The following DESI2 variants were observed in gnomAD, a reference collection of about 807,000 sequenced individuals.
DESI2 encodes the protein deubiquitinase DESI2.
DESI2 carries 10 observed loss-of-function variants against 24.1 expected under a neutral mutation model. That is an observed-to-expected ratio of 0.41 (90% CI 0.26 to 0.70). DESI2 has a LOEUF of 0.70. Among genes scored for constraint, DESI2 ranks in the 30% least tolerant of loss-of-function variants. The pLI, the probability that DESI2 is intolerant of heterozygous loss-of-function variation, is 0.29. For synonymous variants in DESI2, 71 were observed against 87.7 expected (o/e 0.81, Z 1.06); for missense variants, 122 against 234.9 (o/e 0.52, Z 3.14).
In DESI2 at chr1:244,701,234, C is replaced by G. The variant is rs1441217367; in HGVS notation, c.352-4322C>G. Reference sequence around the variant, plus strand: ...CCCTCCACCCCCCCCCCCCCCCCCCCGCCCTTTTAACTGCTGAAGAAATTA... The same window carrying G: ...CCCTCCACCCCCCCCCCCCCCCCCCGGCCCTTTTAACTGCTGAAGAAATTA... On this transcript the variant is annotated intron_variant, in intron 4 of 4. Coordinates refer to ENST00000302550, the MANE Select transcript of DESI2 (RefSeq NM_016076.5). Among the ~76,000 whole-genome samples, 223 of 77,556 alleles carry G rather than the reference C, an allele frequency of 2.9e-3. 4 individuals carry two copies. Among genetic ancestry groups the G allele is most frequent in the Non-Finnish European group, 5.2e-3 (192 of 37,012 alleles). The allele number at this position is 77,556 out of a possible 152,430, so 50.9% of individuals were successfully genotyped here.
chr1:244,697,870 G>C (rs533430879), intron 4 of DESI2, among the ~76,000 whole-genome samples: 1 of 152,270 alleles, frequency 6.6e-6, no homozygotes, highest in East Asian at 1.9e-4. Flanking sequence ...AAAAAAGGTT[G>C]AATCAGTTCT....
Position 244,664,568 on chromosome 1 carries a change from C to G in DESI2, c.42+11213C>G, listed in dbSNP as rs867187451. Among the ~76,000 whole-genome samples, 4 of 152,294 alleles carry G rather than the reference C, an allele frequency of 2.6e-5. No individual in the cohort carries two copies. In the Middle Eastern group the frequency reaches 0.01, roughly 389 times the overall value. ...AAAAAATAAATAAATTAGCCAGGCC[C>G]ATGCCTGTGATTCCAGCTACTTAAG... On this transcript the variant is annotated intron_variant, in intron 1 of 4. Coordinates refer to ENST00000302550, the MANE Select transcript of DESI2 (RefSeq NM_016076.5).
chr1:244,660,252 G>A (rs1385439917), intron 1 of DESI2, among the ~76,000 whole-genome samples: 4 of 152,088 alleles, frequency 2.6e-5, no homozygotes, highest in African/African-American at 4.8e-5. Context: ...TGCAACCTCC[G>A]CCTCCTGGGT....
At chr1:244,686,500 T>G in intron 1 of DESI2, 97 bp from the exon 2 acceptor site, 1 of 759,094 alleles carries the variant, frequency 1.3e-6, no homozygotes, top group Non-Finnish European at 2.3e-6. Context: ...ATCATGGGAG[T>G]TTCAGAGTGA....
At chr1:244,670,490 C>T (rs961497351) in intron 1 of DESI2, among the ~76,000 whole-genome samples, 1 of 152,210 alleles carries the variant, frequency 6.6e-6, no homozygotes, top group Non-Finnish European at 1.5e-5. Flanking sequence ...AATAAATACG[C>T]GTTCTGGCTA....
At chr1:244,668,235 C>A (rs1247112040) in intron 1 of DESI2, among the ~76,000 whole-genome samples, 1 of 152,108 alleles carries the variant, frequency 6.6e-6, no homozygotes, top group Non-Finnish European at 1.5e-5. Context: ...GGTATGCTGT[C>A]TTTTTAAAAT....
chr1:244,681,054 T>A (rs1676596778), intron 1 of DESI2, among the ~76,000 whole-genome samples: 1 of 152,006 alleles, frequency 6.6e-6, no homozygotes, highest in Admixed American at 6.6e-5. Flanking sequence ...CCTTTTCCCA[T>A]GGTTGACTAA....
chr1:244,665,944 T>C (rs967626823), intron 1 of DESI2, among the ~76,000 whole-genome samples: 23 of 152,064 alleles, frequency 1.5e-4, no homozygotes, highest in Middle Eastern at 3.4e-3. Flanking sequence ...GTAGTTAAAA[T>C]CAGCTCACCA....
chr1:244,691,420 G>A (rs913721649), intron 3 of DESI2, among the ~76,000 whole-genome samples: 6 of 152,244 alleles, frequency 3.9e-5, no homozygotes, highest in African/African-American at 1.4e-4. Context: ...CGTTTAGTCA[G>A]ATTTGACAGT....
intron 1 of DESI2, among the ~76,000 whole-genome samples, chr1:244,659,559 G>C (rs764379339): frequency 1.2e-4 from 18 of 152,168 alleles, no homozygotes; most frequent in Non-Finnish European, 1.6e-4. Context: ...TCCATCTTCA[G>C]ACCGGCAATG....
At chr1:244,662,677 G>A (rs1337937441) in intron 1 of DESI2, among the ~76,000 whole-genome samples, 1 of 152,190 alleles carries the variant, frequency 6.6e-6, no homozygotes, top group Non-Finnish European at 1.5e-5. Flanking sequence ...CAAAGAAGGG[G>A]AGGGACAGTG....
intron 1 of DESI2, among the ~76,000 whole-genome samples, chr1:244,660,311 G>A (rs907400904): frequency 3.2e-4 from 48 of 152,178 alleles, no homozygotes; most frequent in African/African-American, 8.4e-4. Flanking sequence ...GACTACAGGC[G>A]TGCGCCACCA....
At chr1:244,665,748 A>T (rs184795476) in intron 1 of DESI2, among the ~76,000 whole-genome samples, 16 of 152,236 alleles carry the variant, frequency 1.1e-4, no homozygotes, top group African/African-American at 3.9e-4. Flanking sequence ...TTGGCTCCAG[A>T]CAAGCTGCAA....
At chr1:244,694,716 G>A (rs1677151058) in intron 4 of DESI2, 1 of 688,564 alleles carries the variant, frequency 1.5e-6, no homozygotes, top group Admixed American at 2.2e-5. Flanking sequence ...TGTTGCCTTC[G>A]TCACCTTGCT....
chr1:244,673,734 A>T (rs1023252282), intron 1 of DESI2, among the ~76,000 whole-genome samples: 1 of 152,096 alleles, frequency 6.6e-6, no homozygotes, highest in South Asian at 2.1e-4. Context: ...TTATTGGACC[A>T]TGTCTAATAA....
At chr1:244,705,309 TCA>T (rs1468466243) in intron 4 of DESI2, among the ~76,000 whole-genome samples, 2 of 152,164 alleles carry the variant, frequency 1.3e-5, no homozygotes, top group Non-Finnish European at 2.9e-5. Flanking sequence ...TAGCTTGATT[TCA>T]CAGATATGAA....
chr1:244,663,677 A>C (rs140047000), intron 1 of DESI2, among the ~76,000 whole-genome samples: 2,802 of 152,262 alleles, frequency 0.018, 58 homozygotes, highest in Admixed American at 0.043. Context: ...ATTCATGTAC[A>C]AAAGGACATA....
At chr1:244,667,220 G>A (rs1321677771) in intron 1 of DESI2, among the ~76,000 whole-genome samples, 1 of 152,132 alleles carries the variant, frequency 6.6e-6, no homozygotes, top group African/African-American at 2.4e-5. Flanking sequence ...TCTCATCTGA[G>A]ACAAGGCAAG....
intron 1 of DESI2, among the ~76,000 whole-genome samples, chr1:244,663,252 G>T (rs896430048): frequency 2.0e-5 from 3 of 151,760 alleles, no homozygotes; most frequent in African/African-American, 7.3e-5. Context: ...TCTCGGCTCA[G>T]TGCAAGCTCC....
Sources: gnomAD v4.1 joint callset for allele counts (sites outside exome capture counted in the v4.1 genomes callset) on GRCh38, gnomAD v4.1.1 for gene constraint, MANE v1.5 for transcripts, NCBI Gene and HGNC (gene_info 2026-07-23, HGNC 2026-07-21) for gene names.